Variants in CSMD1 observed in about 807,000 individuals in gnomAD.
CSMD1 encodes the protein CUB and sushi domain-containing protein 1.
CSMD1 carries 213 observed loss-of-function variants against 417.5 expected under a neutral mutation model. The observed-to-expected ratio is 0.51, with a 90% CI of 0.46 to 0.57. The LOEUF (loss-of-function observed/expected upper bound fraction) is 0.57, where lower values mean the gene tolerates loss of function less well. Ranked by LOEUF, CSMD1 falls within the 20% of genes least tolerant of loss-of-function variation. The pLI, the probability that CSMD1 is intolerant of heterozygous loss-of-function variation, is 0.00. For synonymous variants in CSMD1, 2,862 were observed against 1,736.8 expected, an observed-to-expected ratio of 1.65 and a Z score of -16.11; for missense variants, 6,923 against 4,529.7, an observed-to-expected ratio of 1.53 and a Z score of -15.17.
chr8:3,818,893 G>T (rs1801552972), intron 5 of CSMD1, among the ~76,000 whole-genome samples: 1 of 152,128 alleles, frequency 6.6e-6, no homozygotes, highest in Non-Finnish European at 1.5e-5. Flanking sequence ...CTGCAAACTT[G>T]AAAGCAAGAC....
intron 2 of CSMD1, among the ~76,000 whole-genome samples, chr8:4,482,348 C>T (rs183959799): frequency 7.2e-5 from 11 of 152,190 alleles, no homozygotes; most frequent in South Asian, 2.1e-4. Context: ...ATGCGGTATT[C>T]GGTTTTCTGT....
chr8:4,181,941 T>C (rs1302010040), intron 3 of CSMD1, among the ~76,000 whole-genome samples: 1 of 99,066 alleles, frequency 1.0e-5, no homozygotes, highest in Non-Finnish European at 2.1e-5. Flanking sequence ...TAGGTGATTC[T>C]GTTTGTCTGT....
chr8:3,078,275 T>G (rs540448016), intron 49 of CSMD1, among the ~76,000 whole-genome samples: 2 of 152,342 alleles, frequency 1.3e-5, no homozygotes, highest in Admixed American at 1.3e-4. Context: ...TTCCACTGAC[T>G]ACAATACTGC....
intron 7 of CSMD1, among the ~76,000 whole-genome samples, chr8:3,649,628 G>T (rs1797744414): frequency 6.6e-6 from 1 of 152,146 alleles, no homozygotes; most frequent in Non-Finnish European, 1.5e-5. Context: ...TCACCATCAT[G>T]AGAACAGCAC....
At chr8:3,649,542 A>G (rs1355088745) in intron 7 of CSMD1, among the ~76,000 whole-genome samples, 1 of 152,180 alleles carries the variant, frequency 6.6e-6, no homozygotes, top group African/African-American at 2.4e-5. Flanking sequence ...CTTCTTCACA[A>G]GGTGGCAGGA....
chr8:2,965,378 G>C (rs1044435172), intron 59 of CSMD1, among the ~76,000 whole-genome samples: 5 of 152,128 alleles, frequency 3.3e-5, no homozygotes, highest in Admixed American at 6.5e-5. Flanking sequence ...CTAGGTGATT[G>C]GCTCGTCTCT....
chr8:3,889,056 A>C (rs1806765975), intron 5 of CSMD1, among the ~76,000 whole-genome samples: 1 of 152,152 alleles, frequency 6.6e-6, no homozygotes, highest in Non-Finnish European at 1.5e-5. Context: ...AAAGGAGCTT[A>C]ATATGTTAAC....
intron 3 of CSMD1, among the ~76,000 whole-genome samples, chr8:4,101,000 C>G (rs533478731): frequency 6.6e-6 from 1 of 152,210 alleles, no homozygotes; most frequent in East Asian, 1.9e-4. Context: ...CTGCGTAGTC[C>G]TAGAAATTCC....
At chr8:3,384,762 TATAA>T (rs1250546169) in intron 18 of CSMD1, among the ~76,000 whole-genome samples, 2 of 124,708 alleles carry the variant, frequency 1.6e-5, no homozygotes, top group East Asian at 2.2e-4. Context: ...ATATAAATTA[TATAA>T]ATATATATTT....
chr8:3,210,857 T>C (rs2116793462), intron 30 of CSMD1, among the ~76,000 whole-genome samples: 1 of 152,184 alleles, frequency 6.6e-6, no homozygotes, highest in East Asian at 1.9e-4. Context: ...TAAATGCCTT[T>C]TGTATTATTA....
chr8:4,410,774 C>CA (rs1158678862), intron 3 of CSMD1, among the ~76,000 whole-genome samples: 3 of 152,172 alleles, frequency 2.0e-5, no homozygotes, highest in Admixed American at 6.5e-5. Context: ...GAAAGTATAA[C>CA]AACTCATGAG....
intron 25 of CSMD1, among the ~76,000 whole-genome samples, chr8:3,285,627 C>T (rs1040234844): frequency 4.0e-5 from 6 of 151,808 alleles, no homozygotes; most frequent in African/African-American, 1.5e-4. Flanking sequence ...TTGAACTCCT[C>T]ACCTCAGGTG....
chr8:3,316,917 G>A (rs906728819), intron 23 of CSMD1, among the ~76,000 whole-genome samples: 1 of 152,160 alleles, frequency 6.6e-6, no homozygotes, highest in Non-Finnish European at 1.5e-5. Flanking sequence ...GGACAAGCAG[G>A]AAAATCTGCA....
At chr8:4,036,545 A>G (rs1412598788) in intron 3 of CSMD1, among the ~76,000 whole-genome samples, 1 of 152,204 alleles carries the variant, frequency 6.6e-6, no homozygotes, top group Non-Finnish European at 1.5e-5. Flanking sequence ...AATATGAAAA[A>G]TATTTATTCT....
rs115464740 is a variant in CSMD1 at position 4,462,740 on chromosome 8, T to C, written c.303-42675A>G. 5.0e-3 allele frequency among the ~76,000 whole-genome samples: 766 copies of C among 152,142 alleles called. 5 individuals are homozygous for C. The highest frequency in any genetic ancestry group is 0.018 in the African/African-American group (742 of 41,490). On this transcript the variant is annotated intron_variant, in intron 2 of 69. Transcript: ENST00000635120. ...GATGCCAAAACAATCAAGAAAAAAATAGTTTTTCAATAAATGGTGCTCAGA... is the reference window on the plus strand; with the variant it reads ...GATGCCAAAACAATCAAGAAAAAAACAGTTTTTCAATAAATGGTGCTCAGA...
intron 8 of CSMD1, 34 bp from the exon 9 acceptor site, chr8:3,586,294 A>C (rs575796199): frequency 1.3e-6 from 2 of 1,535,648 alleles, no homozygotes; most frequent in Non-Finnish European, 1.7e-6. Context: ...AAAAACCCAA[A>C]TTATTTACAG....
chr8:3,974,166 G>A (rs7820623), intron 5 of CSMD1, among the ~76,000 whole-genome samples: 48,748 of 151,740 alleles, frequency 0.32, 8,432 homozygotes, highest in East Asian at 0.46. Flanking sequence ...AGAGGCACTC[G>A]CACACACCCC....
At chr8:3,498,122 C>T (rs1796443372) in intron 10 of CSMD1, among the ~76,000 whole-genome samples, 1 of 152,176 alleles carries the variant, frequency 6.6e-6, no homozygotes, top group Non-Finnish European at 1.5e-5. Flanking sequence ...TTCATTATAT[C>T]ACCCTGTTCT....
chr8:3,051,162 G>A (rs1811791040), intron 50 of CSMD1, among the ~76,000 whole-genome samples: 1 of 152,170 alleles, frequency 6.6e-6, no homozygotes, highest in African/African-American at 2.4e-5. Context: ...GTTCACTGCA[G>A]CGCTATTCAC....
Sources: gnomAD v4.1 joint callset for allele counts (sites outside exome capture counted in the v4.1 genomes callset) on GRCh38, gnomAD v4.1.1 for gene constraint, MANE v1.5 for transcripts, NCBI Gene and HGNC (gene_info 2026-07-23, HGNC 2026-07-21) for gene names.